The following CDYL variants were observed in gnomAD, a reference collection of about 807,000 sequenced individuals.
The protein encoded by CDYL is chromodomain Y like.
A neutral mutation model predicts 47.3 loss-of-function variants in CDYL; 8 were observed. The ratio of observed to expected loss-of-function variants is 0.17; its 90% CI spans 0.10 to 0.31. CDYL has a LOEUF of 0.31. Among genes scored for constraint, CDYL ranks in the 10% least tolerant of loss-of-function variants. The pLI, the probability that CDYL is intolerant of heterozygous loss-of-function variation, is 1.00. For missense variants in CDYL, 471 were observed against 701.4 expected, an observed-to-expected ratio of 0.67 and a Z score of 3.71; for synonymous variants, 266 against 265.0, an observed-to-expected ratio of 1.00 and a Z score of -0.04.
chr6:4,833,339 T>A (rs1311117973), intron 1 of CDYL, among the ~76,000 whole-genome samples: 2 of 151,440 alleles, frequency 1.3e-5, no homozygotes, highest in Admixed American at 6.6e-5. Flanking sequence ...TCCCCAGTAG[T>A]CATTCAGGAG....
chr6:4,861,401 G>A (rs560562964), intron 1 of CDYL, among the ~76,000 whole-genome samples: 14 of 152,306 alleles, frequency 9.2e-5, no homozygotes, highest in Middle Eastern at 3.4e-3. Flanking sequence ...GGCTTTTGTG[G>A]TCACCCAGAT....
intron 2 of CDYL, among the ~76,000 whole-genome samples, chr6:4,934,256 C>T (rs531326059): frequency 6.6e-6 from 1 of 152,110 alleles, no homozygotes; most frequent in South Asian, 2.1e-4. Flanking sequence ...CTGTGGGGGG[C>T]TTTCACCTTA....
At chr6:4,738,262 A>C (rs988707354) in intron 3 of CDYL, among the ~76,000 whole-genome samples, 2 of 152,116 alleles carry the variant, frequency 1.3e-5, no homozygotes, top group Non-Finnish European at 2.9e-5. Flanking sequence ...CTGTAATCCC[A>C]ACTACTAGGG....
At chr6:4,732,336 A>AAATT (rs1183940175) in intron 2 of CDYL, among the ~76,000 whole-genome samples, 2 of 151,100 alleles carry the variant, frequency 1.3e-5, no homozygotes, top group African/African-American at 2.4e-5. Context: ...CCCTGTCTCT[A>AAATT]AATTAATTAA....
At chr6:4,708,688 A>G (rs1757092231) in intron 1 of CDYL, among the ~76,000 whole-genome samples, 1 of 152,200 alleles carries the variant, frequency 6.6e-6, no homozygotes, top group Non-Finnish European at 1.5e-5. Context: ...TGCATATTTA[A>G]AGCAATACTT....
At chr6:4,901,517 C>T (rs1427582845) in intron 2 of CDYL, among the ~76,000 whole-genome samples, 1 of 152,156 alleles carries the variant, frequency 6.6e-6, no homozygotes, top group East Asian at 1.9e-4. Flanking sequence ...CTCCAACATT[C>T]ATCTTCCTCT....
intron 1 of CDYL, chr6:4,714,085 C>A (rs4960035): frequency 1.3e-5 from 2 of 152,218 alleles, no homozygotes; most frequent in Admixed American, 6.5e-5. Flanking sequence ...CTTACAGATG[C>A]GAACACAGAG....
intron 1 of CDYL, among the ~76,000 whole-genome samples, chr6:4,821,322 G>C (rs1476222832): frequency 7.7e-6 from 1 of 130,554 alleles, no homozygotes; most frequent in East Asian, 2.4e-4. Context: ...CTGTCGCCCA[G>C]GCTGGAGTGC....
intron 1 of CDYL, among the ~76,000 whole-genome samples, chr6:4,819,059 C>T (rs552758571): frequency 7.3e-5 from 11 of 150,282 alleles, no homozygotes; most frequent in Admixed American, 2.0e-4. Flanking sequence ...ATAAATCCAA[C>T]TGTTTTTATA....
chr6:4,923,075 T>C (rs1757764908), intron 2 of CDYL, among the ~76,000 whole-genome samples: 1 of 152,254 alleles, frequency 6.6e-6, no homozygotes, highest in South Asian at 2.1e-4. Flanking sequence ...ATTTCTTTAT[T>C]TTGGTAACAT....
intron 3 of CDYL, among the ~76,000 whole-genome samples, chr6:4,749,441 A>G (rs1009180622): frequency 4.0e-5 from 6 of 151,596 alleles, no homozygotes; most frequent in Non-Finnish European, 8.8e-5. Context: ...TGGATATGAG[A>G]TGGATGGATG....
chr6:4,890,587 A>G (rs979428350), intron 1 of CDYL, among the ~76,000 whole-genome samples: 1 of 152,188 alleles, frequency 6.6e-6, no homozygotes, highest in African/African-American at 2.4e-5. Context: ...GAGAGCAGAG[A>G]AAATGATGGG....
chr6:4,743,737 T>G (rs1387657515), intron 3 of CDYL, among the ~76,000 whole-genome samples: 2 of 152,224 alleles, frequency 1.3e-5, no homozygotes, highest in Non-Finnish European at 2.9e-5. Context: ...TTATATTGAT[T>G]AGGATAAGGT....
intron 2 of CDYL, among the ~76,000 whole-genome samples, chr6:4,927,618 G>A (rs1439149579): frequency 6.6e-6 from 1 of 152,106 alleles, no homozygotes. Flanking sequence ...GTTTCACCAT[G>A]TTGACCAGGC....
chr6:4,807,988 C>T (rs867770561), intron 1 of CDYL, among the ~76,000 whole-genome samples: 5 of 152,032 alleles, frequency 3.3e-5, no homozygotes, highest in African/African-American at 7.3e-5. Flanking sequence ...CTCAGATTGT[C>T]GTAGCTTTGG....
Position 4,953,839 on chromosome 6 carries a change from A to G in CDYL, c.1477-59A>G, listed in dbSNP as rs534969160. On this transcript the variant is annotated intron_variant, in intron 6 of 6. Coordinates refer to ENST00000397588, the MANE Select transcript of CDYL (RefSeq NM_004824.4). ...ATTGCCTCCGTAAATGTGGAGGCAC[A>G]GGGGACCCGTGTCTGCCCGCATGCA... 7.3e-5 allele frequency: 111 copies of G among 1,524,244 alleles called. 1 individual carries two copies. The East Asian group carries it at 2.5e-3, about 34-fold the overall frequency. 94.4% of individuals were successfully genotyped at this position (1,524,244 alleles called of 1,614,324 possible). A position where few individuals can be genotyped will look rare whatever the true frequency, so the allele number is the denominator to read the frequency against.
intron 1 of CDYL, among the ~76,000 whole-genome samples, chr6:4,806,718 G>C (rs2127442052): frequency 6.6e-6 from 1 of 152,318 alleles, no homozygotes; most frequent in East Asian, 1.9e-4. Context: ...TTCCTTCGAT[G>C]ATCTGGACAC....
intron 1 of CDYL, among the ~76,000 whole-genome samples, chr6:4,813,081 T>C (rs1418665461): frequency 6.6e-6 from 1 of 152,200 alleles, no homozygotes; most frequent in South Asian, 2.1e-4. Flanking sequence ...GGACACTGTT[T>C]TAATGGTCAG....
At chr6:4,832,160 C>G (rs1285440279) in intron 1 of CDYL, among the ~76,000 whole-genome samples, 1 of 152,060 alleles carries the variant, frequency 6.6e-6, no homozygotes, top group East Asian at 1.9e-4. Flanking sequence ...TGCCAGTTTT[C>G]AAAGGGAATG....
Sources: allele counts gnomAD v4.1 joint callset (sites outside exome capture counted in the v4.1 genomes callset), GRCh38; gene constraint gnomAD v4.1.1; transcripts MANE v1.5; gene names NCBI Gene and HGNC (gene_info 2026-07-23, HGNC 2026-07-21).